AKR1E2: variants seen among roughly 807,000 people sequenced by gnomAD.
The protein encoded by AKR1E2 is aldo-keto reductase family 1 member E2, also known as 1,5-anhydro-D-fructose reductase.
AKR1E2 carries 43 observed loss-of-function variants against 41.9 expected under a neutral mutation model. The ratio of observed to expected loss-of-function variants is 1.03; its 90% CI spans 0.80 to 1.32. The LOEUF is 1.32. Among genes scored for constraint, AKR1E2 ranks in the 40% most tolerant of loss-of-function variants. AKR1E2 has a pLI of 0.00. For missense variants in AKR1E2, 423 were observed against 396.5 expected (o/e 1.07, Z -0.57); for synonymous variants, 121 against 138.9 (o/e 0.87, Z 0.91).
chr10:4,833,497 T>C, intron 3 of AKR1E2, 31 bp downstream of exon 3: 2 of 1,569,838 alleles, frequency 1.3e-6, no homozygotes, highest in Non-Finnish European at 1.8e-6. Context: ...CGTTCTGCAG[T>C]TTGCAGGACC....
At chr10:4,868,287 C>T in the AKR1E2 span, among the ~76,000 whole-genome samples, 1 of 152,140 alleles carries the variant, frequency 6.6e-6, no homozygotes, top group Non-Finnish European at 1.5e-5. Context: ...TTATTCCTTT[C>T]TCTATATGGC....
intron 4 of AKR1E2, 35 bp downstream of exon 4, chr10:4,835,844 T>C: frequency 1.2e-6 from 2 of 1,610,046 alleles, no homozygotes; most frequent in Non-Finnish European, 1.7e-6. Context: ...AGCCTCATCC[T>C]GTGTGGGTCT....
In AKR1E2 at chr10:4,830,838, C is replaced by A. The variant is rs150013918; in HGVS notation, c.203C>A (p.Thr68Asn). Residue 68 changes from threonine (T) to asparagine (N), a missense_variant, in exon 2 of 10, where the codon ACT becomes AAT. Coordinates refer to ENST00000298375, the MANE Select transcript of AKR1E2 (RefSeq NM_001040177.3). ...AGACGGGAGGATCTGTTCATTGCCA[C>A]TAAGGTAGGGCTTCTCTATGCAAGG... Reference protein sequence around the residue: ...AVRREDLFIATKLWCTCHKKS... With the variant: ...AVRREDLFIANKLWCTCHKKS... 61 of 1,613,970 alleles carry A rather than the reference C, an allele frequency of 3.8e-5. No homozygotes were observed. Among genetic ancestry groups the A allele is most frequent in the Non-Finnish European group, 5.1e-5 (60 of 1,179,988 alleles).
chr10:4,861,669 AAT>A, the AKR1E2 span, among the ~76,000 whole-genome samples: 1 of 152,274 alleles, frequency 6.6e-6, no homozygotes, highest in Non-Finnish European at 1.5e-5. Context: ...GCGCCTGGCC[AAT>A]ATGTCTTTAT....
chr10:4,857,322 G>T, the AKR1E2 span, among the ~76,000 whole-genome samples: 1 of 152,146 alleles, frequency 6.6e-6, no homozygotes, highest in Non-Finnish European at 1.5e-5. Flanking sequence ...CTCATGAATG[G>T]TTTAACACCA....
chr10:4,825,240 T>A (rs1326766746), upstream of AKR1E2, among the ~76,000 whole-genome samples: 2 of 152,138 alleles, frequency 1.3e-5, no homozygotes, highest in African/African-American at 2.4e-5. Context: ...GCGCCTCCCC[T>A]GATGGCCAGC....
chr10:4,831,375 A>G (rs562142193), intron 2 of AKR1E2, among the ~76,000 whole-genome samples: 1 of 152,330 alleles, frequency 6.6e-6, no homozygotes, highest in South Asian at 2.1e-4. Context: ...TGGGTAGTTT[A>G]TAAAGAAAAA....
intron 6 of AKR1E2, 131 bp downstream of exon 6, chr10:4,839,957 G>A: frequency 1.2e-6 from 1 of 821,342 alleles, no homozygotes; most frequent in Non-Finnish European, 2.0e-6. Flanking sequence ...GGTACTATAG[G>A]GGGCTGTCCA....
chr10:4,858,481 G>A, the AKR1E2 span, among the ~76,000 whole-genome samples: 1 of 152,148 alleles, frequency 6.6e-6, no homozygotes, highest in African/African-American at 2.4e-5. Context: ...AGTCATGTAA[G>A]CAAATAATTA....
In AKR1E2 at chr10:4,839,741, C is replaced by A; in HGVS notation, c.595C>A (p.Pro199Thr). 6.2e-7 allele frequency: 1 copy of A among 1,613,720 alleles called. No individual in the cohort carries two copies. Among genetic ancestry groups the A allele is most frequent in the Non-Finnish European group, 8.5e-7 (1 of 1,179,738 alleles). Residue 199 changes from proline to threonine, a missense_variant, in exon 6 of 10, where the codon CCA becomes ACA. Coordinates refer to ENST00000298375, the MANE Select transcript of AKR1E2 (RefSeq NM_001040177.3). ...GATTCTGTTATAGATTGAGTGCCACCCATATCTTACTCAGAAGAATCTGAT... is the reference window on the plus strand; with the variant it reads ...GATTCTGTTATAGATTGAGTGCCACACATATCTTACTCAGAAGAATCTGAT... ...KPLTNQIECH[P>T]YLTQKNLISF...
the AKR1E2 span, among the ~76,000 whole-genome samples, chr10:4,869,600 A>T: frequency 6.6e-6 from 1 of 151,666 alleles, no homozygotes; most frequent in Non-Finnish European, 1.5e-5. Flanking sequence ...GGTTCTTGAG[A>T]TAAGAGCTTA....
At position 4,847,022 on chromosome 10, in the gene AKR1E2, T is replaced by C. The variant is rs1834384413; in HGVS notation, c.838-126T>C. On this transcript the variant is annotated intron_variant, in intron 8 of 9. Coordinates refer to ENST00000298375, the MANE Select transcript of AKR1E2 (RefSeq NM_001040177.3). ...GTGATTCAGGGAAGTTCCAAGTGTC[T>C]GATGAAGTGTTTGTTTTACATCTTT... is the stretch of plus-strand genomic sequence containing the variant. 4.9e-6 allele frequency: 5 copies of C among 1,011,374 alleles called. No individual in the cohort carries two copies. In the East Asian group the frequency reaches 1.3e-4, roughly 26 times the overall value. The allele number at this position is 1,011,374 out of a possible 1,614,324, so 62.7% of individuals were successfully genotyped here.
In AKR1E2 at chr10:4,826,310, C is replaced by T; in HGVS notation, c.-15C>T. On this transcript the variant is annotated 5_prime_UTR_variant, in exon 1 of 10. Coordinates refer to ENST00000298375, the MANE Select transcript of AKR1E2 (RefSeq NM_001040177.3). ...CGTGCGGGGCGGCGGGGCGGCGGGG[C>T]GGCCGGCGGCGGCCATGGGAGATAT... 2.4e-6 allele frequency: 3 copies of T among 1,232,612 alleles called. No individual in the cohort carries two copies. The highest frequency in any genetic ancestry group is 2.0e-6 in the Non-Finnish European group (2 of 986,972). The allele number at this position is 1,232,612 out of a possible 1,614,324, so 76.4% of individuals were successfully genotyped here.
chr10:4,845,664 G>A (rs115564497), intron 8 of AKR1E2: 1 of 463,854 alleles, frequency 2.2e-6, no homozygotes, highest in African/African-American at 2.0e-5. Context: ...CATCGCCCCA[G>A]TTCTGCCCTT....
chr10:4,844,488 T>G (rs1323400367), intron 8 of AKR1E2, among the ~76,000 whole-genome samples: 1 of 152,184 alleles, frequency 6.6e-6, no homozygotes, highest in East Asian at 1.9e-4. Flanking sequence ...GCTTTTATTC[T>G]CTTATCTGGC....
chr10:4,833,692 C>G (rs966476006), intron 3 of AKR1E2, among the ~76,000 whole-genome samples: 1 of 152,146 alleles, frequency 6.6e-6, no homozygotes, highest in African/African-American at 2.4e-5. Context: ...GTCTGTCTTT[C>G]AAGCCAGTCG....
rs929947388 is a variant in AKR1E2 at position 4,837,714 on chromosome 10, G to T, written c.582+133G>T. ...GCCTGTTCTCCTCTGGCAGCACTCA[G>T]AATGGTGATTAAAGGCAGCAGCTAG... On this transcript the variant is annotated intron_variant, in intron 5 of 9. Transcript: ENST00000298375. The T allele has an allele frequency of 3.0e-5, 41 of 1,381,372 alleles. No individual in the cohort carries two copies. The African/African-American group carries it at 5.5e-4, about 19-fold the overall frequency. The allele number at this position is 1,381,372 out of a possible 1,614,324, so 85.6% of individuals were successfully genotyped here.
the AKR1E2 span, among the ~76,000 whole-genome samples, chr10:4,854,784 G>T: frequency 1.3e-5 from 2 of 152,160 alleles, no homozygotes; most frequent in African/African-American, 4.8e-5. Flanking sequence ...GACAGAGTAG[G>T]TTAGAGGCCC....
At chr10:4,827,762 C>T (rs565109347) in intron 1 of AKR1E2, among the ~76,000 whole-genome samples, 2 of 152,218 alleles carry the variant, frequency 1.3e-5, no homozygotes, top group South Asian at 4.2e-4. Context: ...CTAGGAGTGT[C>T]GTTTTGTTCA....
Sources: allele counts gnomAD v4.1 joint callset (sites outside exome capture counted in the v4.1 genomes callset), GRCh38; gene constraint gnomAD v4.1.1; transcripts MANE v1.5; gene names NCBI Gene and HGNC (gene_info 2026-07-23, HGNC 2026-07-21).